The following PARM1 variants were observed in gnomAD, a reference collection of about 807,000 sequenced individuals.
PARM1 encodes the protein WSC4, cell wall integrity and stress response component 4 homolog.
A neutral mutation model predicts 24.6 loss-of-function variants in PARM1; 14 were observed. That is an observed-to-expected ratio of 0.57 (90% CI 0.38 to 0.89). PARM1 has a LOEUF of 0.89. Ranked by LOEUF, PARM1 falls within the 40% of genes least tolerant of loss-of-function variation. PARM1 has a pLI of 0.00. For missense variants in PARM1, 362 were observed against 380.4 expected, an observed-to-expected ratio of 0.95 and a Z score of 0.40; for synonymous variants, 179 against 156.6, an observed-to-expected ratio of 1.14 and a Z score of -1.07.
chr4:75,029,535 A>G (rs1312118766), intron 2 of PARM1, among the ~76,000 whole-genome samples: 1 of 152,172 alleles, frequency 6.6e-6, no homozygotes, highest in African/African-American at 2.4e-5. Flanking sequence ...CATGTAAGAC[A>G]TGCCTTTCAC....
At chr4:75,001,160 A>G (rs1722673609) in intron 1 of PARM1, among the ~76,000 whole-genome samples, 1 of 152,222 alleles carries the variant, frequency 6.6e-6, no homozygotes, top group Admixed American at 6.5e-5. Context: ...GCATTAGAAA[A>G]GAGTTACTAA....
intron 3 of PARM1, among the ~76,000 whole-genome samples, chr4:75,038,592 C>G (rs1047378879): frequency 6.6e-6 from 1 of 152,186 alleles, no homozygotes; most frequent in African/African-American, 2.4e-5. Flanking sequence ...TTCCATGTTC[C>G]AGTTTGGCAG....
intron 1 of PARM1, among the ~76,000 whole-genome samples, chr4:74,995,359 G>A (rs552866926): frequency 1.3e-5 from 2 of 152,172 alleles, no homozygotes; most frequent in South Asian, 2.1e-4. Flanking sequence ...AGGAAATGAC[G>A]GTACAATCCT....
At chr4:74,952,726 G>A (rs1049244613) in intron 1 of PARM1, among the ~76,000 whole-genome samples, 1 of 152,186 alleles carries the variant, frequency 6.6e-6, no homozygotes, top group Non-Finnish European at 1.5e-5. Flanking sequence ...AACATAAGAA[G>A]TCAGATGAAT....
chr4:74,950,334 G>A (rs991358653), intron 1 of PARM1, among the ~76,000 whole-genome samples: 5 of 152,200 alleles, frequency 3.3e-5, no homozygotes, highest in Non-Finnish European at 5.9e-5. Flanking sequence ...ATTCCTCCTT[G>A]CTTCTTCTAG....
chr4:75,013,965 A>G (rs533744942), intron 2 of PARM1, among the ~76,000 whole-genome samples: 5 of 152,252 alleles, frequency 3.3e-5, no homozygotes, highest in South Asian at 2.1e-4. Flanking sequence ...TCATCGGAGC[A>G]TTTCACCACT....
chr4:74,943,247 C>G (rs1394552285), intron 1 of PARM1, among the ~76,000 whole-genome samples: 1 of 152,192 alleles, frequency 6.6e-6, no homozygotes, highest in East Asian at 1.9e-4. Flanking sequence ...TTACCCCTCA[C>G]TAAAACATAG....
intron 2 of PARM1, among the ~76,000 whole-genome samples, chr4:75,032,377 G>C (rs1026646990): frequency 6.6e-6 from 1 of 152,306 alleles, no homozygotes; most frequent in African/African-American, 2.4e-5. Context: ...CAAGTGGACT[G>C]ATTTGCTTCT....
At chr4:75,013,182 T>C (rs1722915120) in intron 2 of PARM1, 32 bp downstream of exon 2, 1 of 1,574,482 alleles carries the variant, frequency 6.4e-7, no homozygotes, top group Non-Finnish European at 8.6e-7. Flanking sequence ...TAGTTTTCTT[T>C]ACTACACCCT....
At chr4:75,007,399 G>T (rs1381884117) in intron 1 of PARM1, among the ~76,000 whole-genome samples, 2 of 152,136 alleles carry the variant, frequency 1.3e-5, no homozygotes, top group East Asian at 3.8e-4. Context: ...GGGACACAGG[G>T]TATCAGTGGG....
intron 1 of PARM1, among the ~76,000 whole-genome samples, chr4:74,979,844 T>TTGCATCTCTTTATGC (rs1302625764): frequency 6.6e-6 from 1 of 152,138 alleles, no homozygotes; most frequent in East Asian, 1.9e-4. Context: ...AGTCATCGCA[T>TTGCATCTCTTTATGC]AAAGAGAACT....
At chr4:75,033,244 C>G (rs1265236231) in intron 2 of PARM1, among the ~76,000 whole-genome samples, 1 of 152,134 alleles carries the variant, frequency 6.6e-6, no homozygotes, top group Non-Finnish European at 1.5e-5. Flanking sequence ...ACTTTAGTCT[C>G]TATAAAACCA....
intron 1 of PARM1, among the ~76,000 whole-genome samples, chr4:74,994,758 A>T (rs149738030): frequency 1.3e-5 from 2 of 151,974 alleles, no homozygotes; most frequent in African/African-American, 4.8e-5. Context: ...ACACCAGTGC[A>T]CTCCAGCCTG....
intron 3 of PARM1, among the ~76,000 whole-genome samples, chr4:75,039,254 G>A (rs1373216383): frequency 2.0e-5 from 3 of 152,148 alleles, no homozygotes; most frequent in Non-Finnish European, 4.4e-5. Flanking sequence ...GTTTCCGGCC[G>A]GGTGTGGTGG....
At chr4:75,033,656 A>T (rs745557217) in intron 2 of PARM1, among the ~76,000 whole-genome samples, 3 of 152,220 alleles carry the variant, frequency 2.0e-5, no homozygotes, top group Non-Finnish European at 2.9e-5. Flanking sequence ...CTTGATAAAT[A>T]TTGACGATTT....
In PARM1 at chr4:75,046,403, T is replaced by C. The variant is rs188306302; in HGVS notation, c.*156T>C. On this transcript the variant is annotated 3_prime_UTR_variant, in exon 4 of 4. Coordinates refer to ENST00000307428, the MANE Select transcript of PARM1 (RefSeq NM_015393.4). ...GTTTTCCTCCCTCTCCTCTGGCTGC[T>C]ACAACTTCCCCTTTCTGGTACAAGA... The C allele has an allele frequency of 5.6e-4, 306 of 550,614 alleles. No homozygotes were observed. Among genetic ancestry groups the C allele is most frequent in the Non-Finnish European group, 8.7e-4 (264 of 305,106 alleles). 34.1% of individuals were successfully genotyped at this position (550,614 alleles called of 1,614,324 possible).
intron 1 of PARM1, among the ~76,000 whole-genome samples, chr4:74,990,504 T>C (rs1722445936): frequency 6.6e-6 from 1 of 152,090 alleles, no homozygotes; most frequent in South Asian, 2.1e-4. Context: ...GAAACTTAGA[T>C]ATGCAGGCAC....
chr4:75,021,266 C>T (rs143016453), intron 2 of PARM1, among the ~76,000 whole-genome samples: 6 of 152,318 alleles, frequency 3.9e-5, no homozygotes, highest in East Asian at 3.9e-4. Flanking sequence ...GACATCCCCT[C>T]GGATGCCTTT....
chr4:74,992,789 A>G (rs1221507583), intron 1 of PARM1, among the ~76,000 whole-genome samples: 1 of 152,186 alleles, frequency 6.6e-6, no homozygotes, highest in Non-Finnish European at 1.5e-5. Flanking sequence ...TCTCTTTCAG[A>G]CATACACAAT....
Sources: gnomAD v4.1 joint callset for allele counts (sites outside exome capture counted in the v4.1 genomes callset) on GRCh38, gnomAD v4.1.1 for gene constraint, MANE v1.5 for transcripts, NCBI Gene and HGNC (gene_info 2026-07-23, HGNC 2026-07-21) for gene names.